THAP10: variants seen among roughly 807,000 people sequenced by gnomAD.
THAP10 encodes the protein THAP domain containing 10.
THAP10 carries 10 observed loss-of-function variants against 15.7 expected under a neutral mutation model. The ratio of observed to expected loss-of-function variants is 0.64; its 90% CI spans 0.39 to 1.08. The LOEUF (loss-of-function observed/expected upper bound fraction) is 1.08, where lower values mean the gene tolerates loss of function less well. THAP10 is among the 50% of genes least tolerant of loss of function. The pLI is 0.01. For missense variants in THAP10, 310 were observed against 330.9 expected (o/e 0.94, Z 0.49); for synonymous variants, 127 against 129.1 (o/e 0.98, Z 0.11).
chr15:70,886,113 G>C (rs1014784943), intron 1 of THAP10, among the ~76,000 whole-genome samples: 47 of 152,048 alleles, frequency 3.1e-4, no homozygotes, highest in Non-Finnish European at 7.4e-5. Context: ...ATGGAAATTA[G>C]ATATTTTATA....
At chr15:70,887,204 T>C (rs1287874471) in intron 1 of THAP10, among the ~76,000 whole-genome samples, 1 of 152,134 alleles carries the variant, frequency 6.6e-6, no homozygotes. Flanking sequence ...AATTTATTAA[T>C]GGATATATGC....
chr15:70,883,649 A>ATTT (rs34016002), intron 1 of THAP10, among the ~76,000 whole-genome samples: 15 of 143,842 alleles, frequency 1.0e-4, no homozygotes, highest in Non-Finnish European at 1.2e-4. Context: ...GTGAAATGGA[A>ATTT]TTTTTTTTTT....
intron 1 of THAP10, among the ~76,000 whole-genome samples, chr15:70,883,591 T>C (rs1241485035): frequency 6.6e-6 from 1 of 152,172 alleles, no homozygotes; most frequent in Non-Finnish European, 1.5e-5. Context: ...AGAAGTCTCC[T>C]TTAATAAGAT....
intron 1 of THAP10, among the ~76,000 whole-genome samples, chr15:70,887,118 T>C (rs923534587): frequency 2.6e-5 from 4 of 152,114 alleles, no homozygotes; most frequent in Non-Finnish European, 2.9e-5. Flanking sequence ...AACAAAGAAA[T>C]TGAATCCATC....
chr15:70,886,182 G>C (rs2033403136), intron 1 of THAP10, among the ~76,000 whole-genome samples: 1 of 152,130 alleles, frequency 6.6e-6, no homozygotes, highest in African/African-American at 2.4e-5. Context: ...GCCATGTTAG[G>C]TGGGGACTTA....
intron 1 of THAP10, among the ~76,000 whole-genome samples, chr15:70,891,442 A>T (rs1388785374): frequency 6.6e-6 from 1 of 152,150 alleles, no homozygotes; most frequent in Non-Finnish European, 1.5e-5. Flanking sequence ...CCTCAAGCTT[A>T]TGTAATGTTA....
intron 1 of THAP10, among the ~76,000 whole-genome samples, chr15:70,887,359 A>G (rs1309721986): frequency 6.6e-6 from 1 of 152,156 alleles, no homozygotes; most frequent in Middle Eastern, 3.2e-3. Flanking sequence ...CAGATACAAA[A>G]ATCCTAAATA....
In THAP10 at chr15:70,882,217, T is replaced by C; in HGVS notation, c.*237A>G. 1 of 391,030 alleles carries C rather than the reference T, an allele frequency of 2.6e-6. No individual in the cohort carries two copies. Among genetic ancestry groups the C allele is most frequent in the East Asian group, 4.0e-5 (1 of 24,808 alleles). 24.2% of individuals were successfully genotyped at this position (391,030 alleles called of 1,614,324 possible). ...TGGTTTTGCTTTGTAACCTGATTTC[T>C]ACCAAAAGGATTAAAAGAAAAAAAA... On this transcript the variant is annotated 3_prime_UTR_variant, in exon 3 of 3. Transcript: ENST00000249861.
At chr15:70,886,725 G>A (rs534676142) in intron 1 of THAP10, among the ~76,000 whole-genome samples, 3 of 152,122 alleles carry the variant, frequency 2.0e-5, no homozygotes, top group Non-Finnish European at 4.4e-5. Flanking sequence ...AATTAGCTGG[G>A]TGCGGTGGCA....
chr15:70,884,363 C>T (rs915239211), intron 1 of THAP10, among the ~76,000 whole-genome samples: 2 of 151,892 alleles, frequency 1.3e-5, no homozygotes, highest in Admixed American at 6.6e-5. Context: ...TGAAACCCCA[C>T]CTCTACTAAA....
chr15:70,891,614 TGTGTGA>T (rs1423288205), intron 1 of THAP10, among the ~76,000 whole-genome samples: 4 of 114,660 alleles, frequency 3.5e-5, no homozygotes, highest in Non-Finnish European at 5.4e-5. Flanking sequence ...TGTGTGTGTG[TGTGTGA>T]GTTTTGGGGG....
chr15:70,882,996 G>T, intron 1 of THAP10, 88 bp from the exon 2 acceptor site: 1 of 1,405,976 alleles, frequency 7.1e-7, no homozygotes, highest in Non-Finnish European at 9.7e-7. Flanking sequence ...AGACAGTATA[G>T]CTGAAAATTT....
chr15:70,883,159 T>C (rs2033310754), intron 1 of THAP10, among the ~76,000 whole-genome samples: 1 of 151,158 alleles, frequency 6.6e-6, no homozygotes, highest in Non-Finnish European at 1.5e-5. Flanking sequence ...TACAACTAAT[T>C]TTTTTTTTTC....
chr15:70,888,495 A>C (rs1355131262), intron 1 of THAP10, among the ~76,000 whole-genome samples: 3 of 152,192 alleles, frequency 2.0e-5, no homozygotes, highest in Admixed American at 6.5e-5. Flanking sequence ...ATCCTACCTC[A>C]CACCAAACAC....
chr15:70,888,672 C>G (rs1400322235), intron 1 of THAP10, among the ~76,000 whole-genome samples: 1 of 151,900 alleles, frequency 6.6e-6, no homozygotes, highest in Non-Finnish European at 1.5e-5. Context: ...TATTAAGAAC[C>G]AAGAGGCAAC....
chr15:70,891,206 A>G (rs2141092366), intron 1 of THAP10, among the ~76,000 whole-genome samples: 1 of 152,352 alleles, frequency 6.6e-6, no homozygotes, highest in Admixed American at 6.5e-5. Context: ...AACCAGATGC[A>G]AAATGAGTGC....
At position 70,891,073 on chromosome 15, in the gene THAP10, C is replaced by G. The variant is rs2033546011; in HGVS notation, c.429+771G>C. Reference sequence around the variant, plus strand: ...CGGACCTAAGTAAGGATTACAGACCCCTGAGGAAATTACTAACCTCTTGCT... The same window carrying G: ...CGGACCTAAGTAAGGATTACAGACCGCTGAGGAAATTACTAACCTCTTGCT... On this transcript the variant is annotated intron_variant, in intron 1 of 2. Coordinates refer to ENST00000249861, the MANE Select transcript of THAP10 (RefSeq NM_020147.4). Among the ~76,000 whole-genome samples, 5 of 151,918 alleles carry G rather than the reference C, an allele frequency of 3.3e-5. No homozygotes were observed. The South Asian group carries it at 1.0e-3, about 32-fold the overall frequency.
At position 70,882,818 on chromosome 15, in the gene THAP10, C is replaced by T; in HGVS notation, c.520G>A (p.Gly174Ser). Residue 174 changes from glycine to serine, a missense_variant, in exon 2 of 3, where the codon GGC becomes AGC. Gly to Ser is a moderately conservative substitution (Grantham distance 56). Coordinates refer to ENST00000249861, the MANE Select transcript of THAP10 (RefSeq NM_020147.4). ...VTSVPTHCEE[G>S]PVHKSTQISL... ...ATTTGTGTACTTTTATGCACTGGGCCTTCTTCACAGTGAGTAGGTACTGAA... is the reference window on the plus strand; with the variant it reads ...ATTTGTGTACTTTTATGCACTGGGCTTTCTTCACAGTGAGTAGGTACTGAA... 1.9e-6 allele frequency: 3 copies of T among 1,614,070 alleles called. No individual in the cohort carries two copies. The highest frequency in any genetic ancestry group is 2.5e-6 in the Non-Finnish European group (3 of 1,179,958).
chr15:70,883,051 G>T (rs1258269430), intron 1 of THAP10, 143 bp from the exon 2 acceptor site: 1 of 719,102 alleles, frequency 1.4e-6, no homozygotes, highest in Non-Finnish European at 2.2e-6. Flanking sequence ...TAGGCAAGGT[G>T]AATCTATAGT....
Sources: gnomAD v4.1 joint callset for allele counts (sites outside exome capture counted in the v4.1 genomes callset) on GRCh38, gnomAD v4.1.1 for gene constraint, MANE v1.5 for transcripts, NCBI Gene and HGNC (gene_info 2026-07-23, HGNC 2026-07-21) for gene names.